GMDS: variants seen among roughly 807,000 people sequenced by gnomAD.
GMDS encodes GDP-mannose 4,6 dehydratase.
Under a neutral mutation model 49.9 loss-of-function variants are expected in GMDS, and 20 were observed. The ratio of observed to expected loss-of-function variants is 0.40; its 90% confidence interval spans 0.28 to 0.58. The LOEUF (loss-of-function observed/expected upper bound fraction) is 0.58, where lower values mean the gene tolerates loss of function less well. Among genes scored for constraint, GMDS ranks in the 20% least tolerant of loss-of-function variants. GMDS has a pLI of 0.42. For missense variants in GMDS, 362 were observed against 481.4 expected (o/e 0.75, Z 2.32); for synonymous variants, 177 against 178.6 (o/e 0.99, Z 0.07).
intron 7 of GMDS, among the ~76,000 whole-genome samples, chr6:1,862,491 TA>T (rs763563282): frequency 2.3e-4 from 35 of 152,344 alleles, no homozygotes; most frequent in Non-Finnish European, 4.6e-4. Context: ...ATCTGCTGAA[TA>T]TACCAAGTGT....
At chr6:2,216,403 T>C (rs1472608751) in intron 1 of GMDS, among the ~76,000 whole-genome samples, 1 of 152,246 alleles carries the variant, frequency 6.6e-6, no homozygotes, top group African/African-American at 2.4e-5. Context: ...TAAGTTAGTA[T>C]GAAACAGATT....
At chr6:2,178,739 G>A (rs139551300) in intron 1 of GMDS, among the ~76,000 whole-genome samples, 2,913 of 152,246 alleles carry the variant, frequency 0.019, 52 homozygotes, top group Non-Finnish European at 0.026. Flanking sequence ...TTTAAATCAA[G>A]AAACATAGCT....
intron 7 of GMDS, 137 bp from the exon 8 acceptor site, chr6:1,742,723 A>T: frequency 3.5e-6 from 2 of 579,128 alleles, no homozygotes; most frequent in South Asian, 4.1e-5. Context: ...TAAGCACAAC[A>T]GCAATGGCTC....
chr6:1,905,796 G>A (rs1760741093), intron 7 of GMDS, among the ~76,000 whole-genome samples: 1 of 123,392 alleles, frequency 8.1e-6, no homozygotes, highest in Non-Finnish European at 1.7e-5. Context: ...ACATAGCTGT[G>A]GGTGCTGGCT....
chr6:1,683,950 G>A (rs1043921696), intron 9 of GMDS, among the ~76,000 whole-genome samples: 1 of 149,600 alleles, frequency 6.7e-6, no homozygotes, highest in Non-Finnish European at 1.5e-5. Context: ...TCAGCTATGA[G>A]GGTGGGGTTT....
chr6:2,154,027 A>T (rs1168602749), intron 1 of GMDS, among the ~76,000 whole-genome samples: 1 of 152,196 alleles, frequency 6.6e-6, no homozygotes, highest in Non-Finnish European at 1.5e-5. Flanking sequence ...TTGTCCATAC[A>T]ATACTTTCAT....
intron 4 of GMDS, among the ~76,000 whole-genome samples, chr6:2,059,707 C>CAAAAAAAAAAAAA (rs35230658): frequency 0.038 from 674 of 17,674 alleles, 108 homozygotes; most frequent in Non-Finnish European, 0.052. Flanking sequence ...GACTCCGTCT[C>CAAAAAAAAAAAAA]AAAAAAAAAA....
chr6:1,894,255 T>C (rs1760035986), intron 7 of GMDS, among the ~76,000 whole-genome samples: 1 of 152,234 alleles, frequency 6.6e-6, no homozygotes, highest in African/African-American at 2.4e-5. Flanking sequence ...CTGATCTTAC[T>C]GCCACTCTAA....
intron 7 of GMDS, among the ~76,000 whole-genome samples, chr6:1,909,689 A>G (rs1403378351): frequency 1.3e-5 from 2 of 152,220 alleles, no homozygotes; most frequent in Admixed American, 1.3e-4. Context: ...AAGACTGAGA[A>G]GAGTCTTCTG....
At chr6:1,712,584 G>A (rs965170977) in intron 9 of GMDS, among the ~76,000 whole-genome samples, 13 of 152,172 alleles carry the variant, frequency 8.5e-5, no homozygotes, top group African/African-American at 2.9e-4. Flanking sequence ...GAGAGAAGAC[G>A]CAGCAGACAT....
At position 1,782,564 on chromosome 6, in the gene GMDS, G is replaced by A. The variant is rs367845727; in HGVS notation, c.772-39978C>T. The stretch of plus-strand genomic sequence containing the variant: ...AAACACAAATTTCGTATTACCCATA[G>A]AAGGATGAATGCTCTTTATAAAGAG... On this transcript the variant is annotated intron_variant, in intron 7 of 10. Transcript: ENST00000380815. 2.8e-4 allele frequency among the ~76,000 whole-genome samples: 43 copies of A among 152,278 alleles called. 1 individual carries two copies. The South Asian group carries it at 8.1e-3, about 29-fold the overall frequency.
At chr6:2,234,433 C>A (rs748444269) in intron 1 of GMDS, among the ~76,000 whole-genome samples, 6 of 151,990 alleles carry the variant, frequency 3.9e-5, no homozygotes, top group Non-Finnish European at 7.4e-5. Flanking sequence ...CGTGGTGAAA[C>A]CCCATCTCTA....
chr6:2,081,036 T>A (rs1328099807), intron 4 of GMDS, among the ~76,000 whole-genome samples: 1 of 152,220 alleles, frequency 6.6e-6, no homozygotes. Context: ...GGCCATTGTA[T>A]GGGCTCATAC....
chr6:2,196,167 A>G (rs1411389469), intron 1 of GMDS, among the ~76,000 whole-genome samples: 1 of 152,234 alleles, frequency 6.6e-6, no homozygotes, highest in East Asian at 1.9e-4. Flanking sequence ...AATTATTACA[A>G]TGGTTTATAT....
chr6:2,194,251 A>C (rs1779184781), intron 1 of GMDS, among the ~76,000 whole-genome samples: 1 of 152,100 alleles, frequency 6.6e-6, no homozygotes. Context: ...TTCAAGGTTA[A>C]TTTTTTAAAT....
At chr6:2,057,830 A>C (rs1770868634) in intron 4 of GMDS, among the ~76,000 whole-genome samples, 1 of 152,228 alleles carries the variant, frequency 6.6e-6, no homozygotes. Flanking sequence ...TCCAATAGCC[A>C]CATGTGGCTA....
intron 4 of GMDS, among the ~76,000 whole-genome samples, chr6:2,044,549 C>T (rs1029291194): frequency 6.6e-6 from 1 of 152,082 alleles, no homozygotes; most frequent in East Asian, 1.9e-4. Context: ...ACAACAGACA[C>T]TGGGGCTTCC....
At chr6:1,776,026 C>T (rs1370531679) in intron 7 of GMDS, among the ~76,000 whole-genome samples, 2 of 152,176 alleles carry the variant, frequency 1.3e-5, no homozygotes, top group East Asian at 3.9e-4. Context: ...CTGTGCTGTA[C>T]TAGCACAACC....
chr6:2,098,296 G>A lies in GMDS; in HGVS notation c.345+17475C>T, dbSNP rs946573769. ...AGGTCTCAAACTCCTGACCTCAGTC[G>A]ATCCACCTGCCTCAGCTTCCCAAAG... On this transcript the variant is annotated intron_variant, in intron 4 of 10. Coordinates refer to ENST00000380815, the MANE Select transcript of GMDS (RefSeq NM_001500.4). Among the ~76,000 whole-genome samples, 4 of 152,238 alleles carry A rather than the reference G, an allele frequency of 2.6e-5. No individual in the cohort carries two copies. In the East Asian group the frequency reaches 5.8e-4, roughly 22 times the overall value.
Sources: allele counts gnomAD v4.1 joint callset (sites outside exome capture counted in the v4.1 genomes callset), GRCh38; gene constraint gnomAD v4.1.1; transcripts MANE v1.5; gene names NCBI Gene and HGNC (gene_info 2026-07-23, HGNC 2026-07-21).